Variants in STX18 observed in about 807,000 individuals in gnomAD.
STX18 encodes the protein syntaxin 18, also known as syntaxin-18.
In STX18, 40 loss-of-function variants were observed where a neutral mutation model predicts 50.1. That is an observed-to-expected ratio of 0.80 (90% CI 0.62 to 1.04). The LOEUF is 1.04. Ranked by LOEUF, STX18 falls within the 50% of genes least tolerant of loss-of-function variation. The pLI, the probability that STX18 is intolerant of heterozygous loss-of-function variation, is 0.00. For missense variants in STX18, 410 were observed against 415.8 expected (o/e 0.99, Z 0.12); for synonymous variants, 158 against 151.8 (o/e 1.04, Z -0.30).
At chr4:4,437,147 T>C (rs1015037970) in intron 6 of STX18, among the ~76,000 whole-genome samples, 8 of 151,990 alleles carry the variant, frequency 5.3e-5, no homozygotes, top group Non-Finnish European at 1.0e-4. Flanking sequence ...TTAGTAGAGA[T>C]GGGGTTTTTC....
intron 5 of STX18, among the ~76,000 whole-genome samples, chr4:4,449,932 C>T (rs985804515): frequency 5.9e-5 from 9 of 152,170 alleles, no homozygotes; most frequent in African/African-American, 1.4e-4. Context: ...CCTTTAGACA[C>T]GTCCTAACAT....
intron 8 of STX18, among the ~76,000 whole-genome samples, chr4:4,424,171 G>A (rs62289798): frequency 0.035 from 5,390 of 152,028 alleles, 144 homozygotes; most frequent in African/African-American, 0.078. Context: ...ACTTGGGCTA[G>A]CCATCTTCCT....
chr4:4,447,592 CAAAAAAAAAAAAAAAAAAAA>C (rs34300930), intron 5 of STX18, among the ~76,000 whole-genome samples: 26 of 45,902 alleles, frequency 5.7e-4, no homozygotes, highest in Admixed American at 2.0e-3. Context: ...CTCCGTCTCA[CAAAAAAAAAAAAAAAAAAAA>C]AAAAAAAAAA....
intron 5 of STX18, among the ~76,000 whole-genome samples, chr4:4,440,134 A>C (rs1726028751): frequency 6.6e-6 from 1 of 152,240 alleles, no homozygotes; most frequent in African/African-American, 2.4e-5. Context: ...TAGAATCTAC[A>C]TAAATGCTAT....
chr4:4,534,398 C>G (rs1577411285), intron 1 of STX18, among the ~76,000 whole-genome samples: 1 of 152,200 alleles, frequency 6.6e-6, no homozygotes, highest in African/African-American at 2.4e-5. Context: ...AACCAGAAAG[C>G]TGGAAATTAT....
In STX18 at chr4:4,438,592, C is replaced by A. The variant is rs373860326; in HGVS notation, c.498-83G>T. 3 of 1,157,214 alleles carry A rather than the reference C, an allele frequency of 2.6e-6. No homozygotes were observed. The African/African-American group carries it at 4.6e-5, about 18-fold the overall frequency. The allele number at this position is 1,157,214 out of a possible 1,614,324, so 71.7% of individuals were successfully genotyped here. ...AAAACAGAAGGAGTCACATGTGACCCTGCGCTTTTGCTCTGTGTCCCTGTA... is the reference window on the plus strand; with the variant it reads ...AAAACAGAAGGAGTCACATGTGACCATGCGCTTTTGCTCTGTGTCCCTGTA... On this transcript the variant is annotated intron_variant, in intron 5 of 10. Coordinates refer to ENST00000306200, the MANE Select transcript of STX18 (RefSeq NM_016930.4).
chr4:4,429,674 A>G (rs988287884), intron 7 of STX18, among the ~76,000 whole-genome samples: 49 of 152,206 alleles, frequency 3.2e-4, no homozygotes, highest in Non-Finnish European at 1.3e-4. Context: ...GTGACAGTAG[A>G]CGGACTCTGC....
intron 1 of STX18, among the ~76,000 whole-genome samples, chr4:4,534,963 CCT>C (rs1478829726): frequency 3.3e-5 from 5 of 152,246 alleles, no homozygotes; most frequent in South Asian, 2.1e-4. Flanking sequence ...AACCTCACCC[CCT>C]GACACTCTGA....
chr4:4,476,361 A>C (rs1159986209), intron 1 of STX18, among the ~76,000 whole-genome samples: 1 of 152,268 alleles, frequency 6.6e-6, no homozygotes, highest in Admixed American at 6.5e-5. Flanking sequence ...GTTACTGTAA[A>C]TGAGTTATTT....
chr4:4,534,800 G>A (rs963049469), intron 1 of STX18, among the ~76,000 whole-genome samples: 2 of 152,222 alleles, frequency 1.3e-5, no homozygotes, highest in African/African-American at 2.4e-5. Flanking sequence ...GCAGGCTATC[G>A]CTCTGCTGCT....
intron 5 of STX18, among the ~76,000 whole-genome samples, chr4:4,452,085 G>C (rs770633481): frequency 2.8e-4 from 43 of 152,204 alleles, no homozygotes; most frequent in Admixed American, 4.6e-4. Context: ...GAGTGGTCTG[G>C]AGAGATCAAA....
At position 4,423,501 on chromosome 4, in the gene STX18, TG is replaced by T; in HGVS notation, c.831+16del. ...TTTGAGTGAAAACATACAGCTCCTT[TG>T]TTTTTGTTTTTTTACCTGTTGCAAA... is the stretch of plus-strand genomic sequence containing the variant. On this transcript the variant is annotated intron_variant, in intron 9 of 10. Transcript: ENST00000306200. The T allele has an allele frequency of 6.2e-7, 1 of 1,613,548 alleles. No individual in the cohort carries two copies. Among genetic ancestry groups the T allele is most frequent in the Non-Finnish European group, 8.5e-7 (1 of 1,179,590 alleles).
At position 4,438,394 on chromosome 4, in the gene STX18, C is replaced by A. The variant is rs1489786258; in HGVS notation, c.613G>T (p.Glu205Ter). 6.2e-7 allele frequency: 1 copy of A among 1,608,122 alleles called. No individual in the cohort carries two copies. The highest frequency in any genetic ancestry group is 8.5e-7 in the Non-Finnish European group (1 of 1,176,558). Reference sequence around the variant, plus strand: ...GTGAGATTTTCATCTCAATTCGTACCTGGACGTTCTTCAGTGGCAGGGTTT... The same window carrying A: ...GTGAGATTTTCATCTCAATTCGTACATGGACGTTCTTCAGTGGCAGGGTTT... The part of the protein sequence containing the change: ...EENPATEERP[E>*]KILAETQPEL... Residue 205 changes from glutamate to a stop codon, truncating the protein, a stop_gained and splice_region_variant, in exon 6 of 11, where the codon GAA becomes TAA. Coordinates refer to ENST00000306200, the MANE Select transcript of STX18 (RefSeq NM_016930.4). LOFTEE classifies it high-confidence loss of function.
rs1726958341 is a variant in STX18, at chr4:4,454,485, T to A, written c.497+2706A>T. On this transcript the variant is annotated intron_variant, in intron 5 of 10. Transcript: ENST00000306200. ...TCCACTTGGGATAGTGAAGGAGAAA[T>A]CCGCATTCCTCTCCCTGGTGAGTGT... 2.0e-5 allele frequency among the ~76,000 whole-genome samples: 3 copies of A among 152,166 alleles called. No individual in the cohort carries two copies. The South Asian group carries it at 6.2e-4, about 32-fold the overall frequency.
intron 1 of STX18, chr4:4,479,069 A>G (rs1191510045): frequency 6.6e-6 from 1 of 152,314 alleles, no homozygotes; most frequent in East Asian, 1.9e-4. Context: ...CGTGGGCTTC[A>G]CTACAAAAGG....
intron 1 of STX18, among the ~76,000 whole-genome samples, chr4:4,525,340 G>A (rs11932920): frequency 0.012 from 1,878 of 152,156 alleles, 33 homozygotes; most frequent in African/African-American, 0.043. Context: ...TGAAGCTCAA[G>A]GCAGGCAAAG....
chr4:4,473,671 T>C lies in STX18; in HGVS notation c.169-1965A>G, dbSNP rs147274536. 2.8e-3 allele frequency among the ~76,000 whole-genome samples: 425 copies of C among 152,232 alleles called. 2 individuals carry two copies. Among genetic ancestry groups the C allele is most frequent in the African/African-American group, 9.6e-3 (399 of 41,522 alleles). On this transcript the variant is annotated intron_variant, in intron 1 of 10. Coordinates refer to ENST00000306200, the MANE Select transcript of STX18 (RefSeq NM_016930.4). ...GGTGTTCATTCCATCACATAAAAGA[T>C]TTGACCAAGCTACTCCTCTGTTTCA...
intron 1 of STX18, among the ~76,000 whole-genome samples, chr4:4,480,180 T>A (rs563205319): frequency 2.6e-5 from 4 of 152,338 alleles, no homozygotes; most frequent in African/African-American, 9.6e-5. Flanking sequence ...TCATACTTTT[T>A]GCACTTTAAA....
chr4:4,503,210 T>C (rs1486271737), intron 1 of STX18, among the ~76,000 whole-genome samples: 3 of 152,214 alleles, frequency 2.0e-5, no homozygotes, highest in East Asian at 1.9e-4. Flanking sequence ...TCCTTGTTTA[T>C]GTAAATGAGG....
Sources: allele counts gnomAD v4.1 joint callset (sites outside exome capture counted in the v4.1 genomes callset), GRCh38; gene constraint gnomAD v4.1.1; transcripts MANE v1.5; gene names NCBI Gene and HGNC (gene_info 2026-07-23, HGNC 2026-07-21).